WDR48: variants seen among roughly 807,000 people sequenced by gnomAD.
The protein encoded by WDR48 is WD repeat-containing protein 48.
In WDR48, 22 loss-of-function variants were observed where a neutral mutation model predicts 94.0. That is an observed-to-expected ratio of 0.23 (90% CI 0.17 to 0.33). The LOEUF (loss-of-function observed/expected upper bound fraction) is 0.33, where lower values mean the gene tolerates loss of function less well. Among genes scored for constraint, WDR48 ranks in the 10% least tolerant of loss-of-function variants. WDR48 has a pLI of 1.00. For missense variants in WDR48, 541 were observed against 813.8 expected (o/e 0.66, Z 4.08); for synonymous variants, 278 against 280.5 (o/e 0.99, Z 0.09).
intron 9 of WDR48, among the ~76,000 whole-genome samples, chr3:39,077,460 T>C (rs1187570498): frequency 6.6e-6 from 1 of 152,224 alleles, no homozygotes; most frequent in African/African-American, 2.4e-5. Context: ...GTCCTTAGAA[T>C]AGACACTGTT....
At chr3:39,064,508 C>T (rs909544140) in intron 2 of WDR48, among the ~76,000 whole-genome samples, 1 of 152,150 alleles carries the variant, frequency 6.6e-6, no homozygotes, top group Admixed American at 6.5e-5. Context: ...CTTCTAGACT[C>T]AGATAATCCA....
At chr3:39,067,898 G>A (rs1393860064) in intron 5 of WDR48, among the ~76,000 whole-genome samples, 1 of 151,762 alleles carries the variant, frequency 6.6e-6, no homozygotes, top group Non-Finnish European at 1.5e-5. Context: ...TTCATTAGCT[G>A]GTCCCTGTTG....
intron 1 of WDR48, among the ~76,000 whole-genome samples, chr3:39,062,531 A>G (rs2033330206): frequency 6.6e-6 from 1 of 152,170 alleles, no homozygotes; most frequent in Non-Finnish European, 1.5e-5. Context: ...GGAAACCTGA[A>G]GGCTGCAACA....
chr3:39,089,788 C>T (rs1005120035), intron 16 of WDR48: 1 of 151,914 alleles, frequency 6.6e-6, no homozygotes, highest in Non-Finnish European at 1.5e-5. Flanking sequence ...GTATCCTGGA[C>T]ATCTTTTCAT....
Position 39,095,467 on chromosome 3 carries a change from G to C in WDR48, c.*724G>C, listed in dbSNP as rs961020695. ...CCTCCCATGATGTCCTGGCTTTGTGGCAACCCCAGGGAGGTGCAGCAGTTT... is the reference window on the plus strand; with the variant it reads ...CCTCCCATGATGTCCTGGCTTTGTGCCAACCCCAGGGAGGTGCAGCAGTTT... On this transcript the variant is annotated 3_prime_UTR_variant, in exon 19 of 19. Coordinates refer to ENST00000302313, the MANE Select transcript of WDR48 (RefSeq NM_020839.4). 2 of 152,208 alleles carry C rather than the reference G, an allele frequency of 1.3e-5. No homozygotes were observed. The highest frequency in any genetic ancestry group is 2.9e-5 in the Non-Finnish European group (2 of 68,056). The allele number at this position is 152,208 out of a possible 1,614,324, so 9.4% of individuals were successfully genotyped here. A position where few individuals can be genotyped will look rare whatever the true frequency, so the allele number is the denominator to read the frequency against.
Position 39,089,294 on chromosome 3 carries a change from A to G in WDR48, c.1644A>G (p.Gln548=), listed in dbSNP as rs142933874. 3.7e-4 allele frequency: 603 copies of G among 1,613,388 alleles called. No individual in the cohort carries two copies. Among genetic ancestry groups the G allele is most frequent in the Non-Finnish European group, 4.7e-4 (559 of 1,179,666 alleles). ...ESMLLNETVP[Q]WVIDITVDKN... Reference sequence around the variant, plus strand: ...TGCTTCTTAATGAAACAGTGCCACAATGGGTAATTGACATCACTGTGGATG... The same window carrying G: ...TGCTTCTTAATGAAACAGTGCCACAGTGGGTAATTGACATCACTGTGGATG... The change falls in exon 16 of 19, where the codon CAA becomes CAG. Residue 548 remains glutamine, a synonymous_variant. Transcript: ENST00000302313.
At chr3:39,060,746 A>C (rs188912885) in intron 1 of WDR48, among the ~76,000 whole-genome samples, 2 of 152,288 alleles carry the variant, frequency 1.3e-5, no homozygotes, top group South Asian at 4.1e-4. Context: ...TGGGAGGCTG[A>C]GGCGGGTGGA....
intron 11 of WDR48, 56 bp from the exon 12 acceptor site, chr3:39,084,099 G>T: frequency 1.5e-6 from 2 of 1,365,138 alleles, no homozygotes; most frequent in South Asian, 3.0e-5. Context: ...AGCAAAGTCA[G>T]AATCAAGTGA....
chr3:39,087,898 A>T, intron 14 of WDR48: 1 of 479,628 alleles, frequency 2.1e-6, no homozygotes. Context: ...AATCTCTTTT[A>T]TTAAAATCCT....
At chr3:39,086,042 C>G (rs1030003032) in intron 14 of WDR48, among the ~76,000 whole-genome samples, 2 of 152,150 alleles carry the variant, frequency 1.3e-5, no homozygotes, top group Non-Finnish European at 2.9e-5. Flanking sequence ...TTCCTAGTCT[C>G]ATGGCCTACC....
At chr3:39,079,304 A>G (rs1291210713) in intron 10 of WDR48, among the ~76,000 whole-genome samples, 3 of 152,228 alleles carry the variant, frequency 2.0e-5, no homozygotes, top group African/African-American at 7.2e-5. Flanking sequence ...TCATGCTGTT[A>G]AACCTTTAGA....
rs375384364 is a variant in WDR48, at chr3:39,084,110, A to G, written c.1174-45A>G. On this transcript the variant is annotated intron_variant, in intron 11 of 18. Transcript: ENST00000302313. ...GAATAGCAAAGTCAGAATCAAGTGA[A>G]TTCACCACTTAATATTGATCATTAT... 1.8e-4 allele frequency: 262 copies of G among 1,453,970 alleles called. 2 individuals are homozygous for G. The African/African-American group carries it at 3.1e-3, about 17-fold the overall frequency. 90.1% of individuals were successfully genotyped at this position (1,453,970 alleles called of 1,614,324 possible).
chr3:39,092,031 TAGCTG>T (rs1381933294), intron 17 of WDR48, among the ~76,000 whole-genome samples: 1 of 152,094 alleles, frequency 6.6e-6, no homozygotes, highest in Non-Finnish European at 1.5e-5. Context: ...GTAAAAAAAT[TAGCTG>T]GGCATGGGAG....
At chr3:39,090,473 T>G (rs761859569) in intron 16 of WDR48, 9 of 152,220 alleles carry the variant, frequency 5.9e-5, no homozygotes, top group Non-Finnish European at 1.0e-4. Flanking sequence ...GTTTCATGTC[T>G]TGTTTAGGTA....
intron 5 of WDR48, among the ~76,000 whole-genome samples, chr3:39,067,763 T>A (rs749534884): frequency 6.6e-6 from 1 of 152,218 alleles, no homozygotes; most frequent in African/African-American, 2.4e-5. Context: ...CCAAGAAGGG[T>A]AAGTTGGGAG....
At chr3:39,062,429 C>G (rs755281151) in intron 1 of WDR48, among the ~76,000 whole-genome samples, 1 of 152,166 alleles carries the variant, frequency 6.6e-6, no homozygotes, top group East Asian at 1.9e-4. Flanking sequence ...GGAAAATGCC[C>G]TGAAGAAAAA....
intron 3 of WDR48, among the ~76,000 whole-genome samples, chr3:39,066,113 T>G (rs2033589883): frequency 6.6e-6 from 1 of 152,210 alleles, no homozygotes; most frequent in South Asian, 2.1e-4. Context: ...CCAAGGTAAC[T>G]GCTCTTCTGT....
chr3:39,053,837 G>A (rs992659370), intron 1 of WDR48, among the ~76,000 whole-genome samples: 2 of 152,178 alleles, frequency 1.3e-5, no homozygotes, highest in Non-Finnish European at 2.9e-5. Flanking sequence ...GTTCCAATAG[G>A]CTGAATGTGA....
chr3:39,093,706 A>C (rs1438986356), intron 17 of WDR48, among the ~76,000 whole-genome samples, 168 bp from the exon 18 acceptor site: 1 of 152,244 alleles, frequency 6.6e-6, no homozygotes, highest in African/African-American at 2.4e-5. Flanking sequence ...TTAGAAGGAC[A>C]CTGTAGAAAA....
Sources: allele counts gnomAD v4.1 joint callset (sites outside exome capture counted in the v4.1 genomes callset), GRCh38; gene constraint gnomAD v4.1.1; transcripts MANE v1.5; gene names NCBI Gene and HGNC (gene_info 2026-07-23, HGNC 2026-07-21).